Variants in VPS41 observed in about 807,000 individuals in gnomAD.
VPS41 encodes the protein vacuolar protein sorting-associated protein 41 homolog.
A neutral mutation model predicts 130.9 loss-of-function variants in VPS41; 85 were observed. The ratio of observed to expected loss-of-function variants is 0.65; its 90% CI spans 0.55 to 0.78. The LOEUF (loss-of-function observed/expected upper bound fraction) is 0.78. Among genes scored for constraint, VPS41 ranks in the 30% least tolerant of loss-of-function variants. The probability of loss-of-function intolerance (pLI) is 0.00; values close to 1 mark genes in which losing one functional copy is unlikely to be tolerated. For missense variants in VPS41, 874 were observed against 1,018.7 expected (o/e 0.86, Z 1.93); for synonymous variants, 335 against 332.9 (o/e 1.01, Z -0.07).
intron 1 of VPS41, among the ~76,000 whole-genome samples, chr7:38,901,306 T>C (rs1165763280): frequency 6.6e-6 from 1 of 152,172 alleles, no homozygotes; most frequent in East Asian, 1.9e-4. Context: ...TTTGTGTTGC[T>C]CTAAAGGAAT....
At chr7:38,750,475 T>A (rs1463067868) in intron 22 of VPS41, among the ~76,000 whole-genome samples, 1 of 152,232 alleles carries the variant, frequency 6.6e-6, no homozygotes, top group East Asian at 1.9e-4. Context: ...GGACACGAGA[T>A]AAATTTTTAA....
intron 2 of VPS41, among the ~76,000 whole-genome samples, chr7:38,897,644 C>CAAAAAAAA: frequency 1.0e-5 from 1 of 97,808 alleles, no homozygotes; most frequent in Non-Finnish European, 2.2e-5. Context: ...GACTCCGTCT[C>CAAAAAAAA]AAAAAAAAAA....
At chr7:38,896,128 T>C (rs958156866) in intron 2 of VPS41, among the ~76,000 whole-genome samples, 3 of 152,216 alleles carry the variant, frequency 2.0e-5, no homozygotes, top group African/African-American at 7.2e-5. Flanking sequence ...GTTTAGTATT[T>C]GGAGCATGTG....
chr7:38,744,934 A>G (rs917264993), intron 23 of VPS41, among the ~76,000 whole-genome samples: 3 of 152,222 alleles, frequency 2.0e-5, no homozygotes, highest in South Asian at 2.1e-4. Flanking sequence ...ATGGAGAAAC[A>G]CCAAATATGA....
At position 38,767,183 on chromosome 7, in the gene VPS41, A is replaced by T. The variant is rs1237403603; in HGVS notation, c.1247+354T>A. On this transcript the variant is annotated intron_variant, in intron 15 of 28. Coordinates refer to ENST00000310301, the MANE Select transcript of VPS41 (RefSeq NM_014396.4). ...CAGAGTCCTTTAGCTCTGACCTGGG[A>T]GTCTCTTGTCTTCTGCCAGCAACCA... 2.0e-5 allele frequency among the ~76,000 whole-genome samples: 3 copies of T among 152,176 alleles called. No individual in the cohort carries two copies. The East Asian group carries it at 5.8e-4, about 29-fold the overall frequency.
chr7:38,728,282 G>A, intron 27 of VPS41: 4 of 634,898 alleles, frequency 6.3e-6, no homozygotes, highest in Non-Finnish European at 1.1e-5. Context: ...AGACTCTAGG[G>A]AGTCTGACTG....
At chr7:38,789,744 A>T in intron 10 of VPS41, 57 bp downstream of exon 10, 1 of 1,579,836 alleles carries the variant, frequency 6.3e-7, no homozygotes, top group Non-Finnish European at 8.7e-7. Context: ...AGATTAATGA[A>T]GACGAAAATT....
chr7:38,826,857 C>T (rs370849200), intron 5 of VPS41, among the ~76,000 whole-genome samples: 75 of 152,136 alleles, frequency 4.9e-4, no homozygotes, highest in African/African-American at 1.6e-3. Flanking sequence ...CTCACTCTGT[C>T]ACCCAGGCTG....
intron 16 of VPS41, 139 bp from the exon 17 acceptor site, chr7:38,763,686 C>T: frequency 1.9e-6 from 1 of 522,904 alleles, no homozygotes; most frequent in Non-Finnish European, 3.3e-6. Flanking sequence ...ATGTTTTGAA[C>T]AGGATTTAAA....
Position 38,772,473 on chromosome 7 carries a change from CTA to C in VPS41, c.1128+47_1128+48del, listed in dbSNP as rs770690551. ...TACAAAAACATTTTATCTTCTCTCT[CTA>C]TGCTGTAGATGAGTCAATACTTTCA... On this transcript the variant is annotated intron_variant, in intron 13 of 28. Coordinates refer to ENST00000310301, the MANE Select transcript of VPS41 (RefSeq NM_014396.4). 9.5e-5 allele frequency: 120 copies of C among 1,269,826 alleles called. No homozygotes were observed. The African/African-American group carries it at 1.4e-3, about 14-fold the overall frequency. 78.7% of individuals were successfully genotyped at this position (1,269,826 alleles called of 1,614,324 possible).
intron 4 of VPS41, among the ~76,000 whole-genome samples, chr7:38,855,521 C>A (rs565560630): frequency 6.6e-6 from 1 of 152,232 alleles, no homozygotes; most frequent in East Asian, 1.9e-4. Flanking sequence ...AAAAATGAAA[C>A]CATCATCACT....
chr7:38,789,976 G>T, intron 9 of VPS41, 109 bp from the exon 10 acceptor site: 1 of 1,040,612 alleles, frequency 9.6e-7, no homozygotes, highest in Non-Finnish European at 1.5e-6. Flanking sequence ...CACTGCAGAT[G>T]GAGTACAATC....
chr7:38,756,213 T>TACACACACACACAC (rs3839727), intron 19 of VPS41, among the ~76,000 whole-genome samples: 60 of 146,654 alleles, frequency 4.1e-4, no homozygotes, highest in African/African-American at 1.1e-3. Flanking sequence ...AGATTTCTTT[T>TACACACACACACAC]ACACACACAC....
In VPS41 at chr7:38,771,178, A is replaced by G; in HGVS notation, c.1185+20T>C. The G allele has an allele frequency of 6.5e-7, 1 of 1,547,096 alleles. No homozygotes were observed. Among genetic ancestry groups the G allele is most frequent in the Non-Finnish European group, 8.9e-7 (1 of 1,127,108 alleles). ...ATTGAAAGATAAAATTATGTTTCAAATAACAAATTGCACACTTACCAGAAT... is the reference window on the plus strand; with the variant it reads ...ATTGAAAGATAAAATTATGTTTCAAGTAACAAATTGCACACTTACCAGAAT... On this transcript the variant is annotated intron_variant, in intron 14 of 28. Coordinates refer to ENST00000310301, the MANE Select transcript of VPS41 (RefSeq NM_014396.4).
intron 14 of VPS41, among the ~76,000 whole-genome samples, chr7:38,769,915 G>C (rs573087017): frequency 6.6e-6 from 1 of 152,310 alleles, no homozygotes; most frequent in African/African-American, 2.4e-5. Context: ...TGTTCCAAGA[G>C]AGAAGCAAGC....
At chr7:38,780,075 G>C (rs1049396035) in intron 10 of VPS41, among the ~76,000 whole-genome samples, 3 of 146,450 alleles carry the variant, frequency 2.0e-5, no homozygotes, top group Non-Finnish European at 4.6e-5. Context: ...TTTTCAACCT[G>C]ATTATCTGGA....
At chr7:38,804,043 T>TA (rs1302143442) in intron 7 of VPS41, among the ~76,000 whole-genome samples, 1 of 152,190 alleles carries the variant, frequency 6.6e-6, no homozygotes, top group Non-Finnish European at 1.5e-5. Context: ...TTAACATGTT[T>TA]AAAACCAGTT....
chr7:38,803,640 G>A lies in VPS41; in HGVS notation c.451-6776C>T, dbSNP rs887408781. On this transcript the variant is annotated intron_variant, in intron 7 of 28. Coordinates refer to ENST00000310301, the MANE Select transcript of VPS41 (RefSeq NM_014396.4). ...ACAATGGGAAAGTCTTGTTACAAAA[G>A]GATTTAAATATTCAAGATTAGAAAA... Among the ~76,000 whole-genome samples, 3 of 152,246 alleles carry A rather than the reference G, an allele frequency of 2.0e-5. No individual in the cohort carries two copies. In the East Asian group the frequency reaches 5.8e-4, roughly 29 times the overall value.
intron 23 of VPS41, among the ~76,000 whole-genome samples, chr7:38,744,625 G>A (rs780965595): frequency 2.6e-5 from 4 of 152,100 alleles, no homozygotes; most frequent in African/African-American, 7.2e-5. Flanking sequence ...TATTTCTTGG[G>A]GAGAACACTG....
Sources: gnomAD v4.1 joint callset for allele counts (sites outside exome capture counted in the v4.1 genomes callset) on GRCh38, gnomAD v4.1.1 for gene constraint, MANE v1.5 for transcripts, NCBI Gene and HGNC (gene_info 2026-07-23, HGNC 2026-07-21) for gene names.